NXPE2: variants seen among roughly 807,000 people sequenced by gnomAD.
NXPE2 encodes the protein neurexophilin and PC-esterase domain family member 2.
NXPE2 carries 34 observed loss-of-function variants against 34.4 expected under a neutral mutation model. That is an observed-to-expected ratio of 0.99 (90% CI 0.75 to 1.31). The LOEUF (loss-of-function observed/expected upper bound fraction) is 1.31, where lower values mean the gene tolerates loss of function less well. Among genes scored for constraint, NXPE2 ranks in the 40% most tolerant of loss-of-function variants. NXPE2 has a pLI of 0.00. For synonymous variants in NXPE2, 235 were observed against 231.3 expected (o/e 1.02, Z -0.15); for missense variants, 649 against 672.5 (o/e 0.97, Z 0.39).
chr11:114,810,121 G>T, the NXPE2 span, among the ~76,000 whole-genome samples: 1 of 145,650 alleles, frequency 6.9e-6, no homozygotes, highest in Non-Finnish European at 1.5e-5. Context: ...ATGGTGCTGG[G>T]AAAACTGGCT....
chr11:114,704,049 A>G lies in NXPE2; in HGVS notation c.925A>G (p.Asn309Asp), dbSNP rs1375652357. 1 of 1,549,870 alleles carries G rather than the reference A, an allele frequency of 6.5e-7. No individual in the cohort carries two copies. The highest frequency in any genetic ancestry group is 8.7e-7 in the Non-Finnish European group (1 of 1,144,842). The change falls in exon 4 of 6, where the codon AAC becomes GAC. Residue 309 changes from asparagine (N) to aspartate (D), a missense_variant. Coordinates refer to ENST00000389586, the MANE Select transcript of NXPE2 (RefSeq NM_182495.6). Reference protein sequence around the residue: ...NFTPIEVIPCNKSENIKKNCQ... With the variant: ...NFTPIEVIPCDKSENIKKNCQ... ...TACCCCCATTGAGGTCATACCATGC[A>G]ACAGTAAGTCTGGAGTGTTGTTGTC...
chr11:114,685,028 G>A (rs1365762933), intron 2 of NXPE2, among the ~76,000 whole-genome samples: 1 of 152,134 alleles, frequency 6.6e-6, no homozygotes, highest in Non-Finnish European at 1.5e-5. Context: ...AAAGAATCCA[G>A]TTGGTCAAAA....
chr11:114,708,987 T>G (rs976815897), downstream of NXPE2, among the ~76,000 whole-genome samples: 1 of 152,236 alleles, frequency 6.6e-6, no homozygotes, highest in Admixed American at 6.5e-5. Context: ...GCCTTCTCCC[T>G]CATCTCTCAC....
At chr11:114,631,395 T>G in the NXPE2 span, among the ~76,000 whole-genome samples, 1 of 151,364 alleles carries the variant, frequency 6.6e-6, no homozygotes, top group African/African-American at 2.4e-5. Flanking sequence ...AAATTGGAAA[T>G]CATCATTCTC....
chr11:114,773,288 C>CCCCCCCCCCCCCCCCCCCCG, the NXPE2 span, among the ~76,000 whole-genome samples: 2 of 95,866 alleles, frequency 2.1e-5, no homozygotes, highest in Non-Finnish European at 4.4e-5. Flanking sequence ...CACCCCCCCC[C>CCCCCCCCCCCCCCCCCCCCG]CACCCCATTC....
upstream of NXPE2, among the ~76,000 whole-genome samples, chr11:114,674,385 A>T (rs1950834444): frequency 6.6e-6 from 1 of 151,826 alleles, no homozygotes; most frequent in South Asian, 2.1e-4. Context: ...GGAGCTGAAT[A>T]ATTTCACTTA....
chr11:114,597,435 G>A, the NXPE2 span, among the ~76,000 whole-genome samples: 1 of 152,276 alleles, frequency 6.6e-6, no homozygotes, highest in East Asian at 1.9e-4. Flanking sequence ...AATGTAATGG[G>A]TATATTAAAA....
At chr11:114,643,694 T>C in the NXPE2 span, among the ~76,000 whole-genome samples, 5 of 151,214 alleles carry the variant, frequency 3.3e-5, no homozygotes, top group African/African-American at 9.7e-5. Flanking sequence ...GGTAGCATGA[T>C]GCCTCCACCT....
chr11:114,475,226 GTTT>G, the NXPE2 span, among the ~76,000 whole-genome samples: 28 of 88,026 alleles, frequency 3.2e-4, no homozygotes, highest in African/African-American at 1.0e-3. Flanking sequence ...AATGTGAACT[GTTT>G]TTTTTTTTTT....
At chr11:114,475,306 C>T in the NXPE2 span, among the ~76,000 whole-genome samples, 4 of 129,562 alleles carry the variant, frequency 3.1e-5, no homozygotes, top group African/African-American at 8.4e-5. Flanking sequence ...TGCAGTAGTG[C>T]GATCTCCACT....
chr11:114,522,456 A>T, the NXPE2 span: 1 of 1,611,872 alleles, frequency 6.2e-7, no homozygotes, highest in African/African-American at 1.3e-5. Flanking sequence ...TCCAGAAGCA[A>T]ATGTTTCTTA....
chr11:114,622,311 T>C, the NXPE2 span, among the ~76,000 whole-genome samples: 1 of 151,968 alleles, frequency 6.6e-6, no homozygotes, highest in African/African-American at 2.4e-5. Context: ...TGTTGCCTCA[T>C]GGGGAACCAC....
At chr11:114,570,498 A>G in the NXPE2 span, 1 of 155,320 alleles carries the variant, frequency 6.4e-6, no homozygotes, top group Non-Finnish European at 1.4e-5. Context: ...AATTCTCTCT[A>G]TGACTATGGG....
the NXPE2 span, chr11:114,582,542 C>T: frequency 2.5e-6 from 4 of 1,614,152 alleles, no homozygotes; most frequent in Non-Finnish European, 2.5e-6. Context: ...TCCTTGCACT[C>T]CAGAGAGCTG....
the NXPE2 span, among the ~76,000 whole-genome samples, chr11:114,541,297 A>G: frequency 6.6e-6 from 1 of 152,208 alleles, no homozygotes; most frequent in African/African-American, 2.4e-5. Context: ...ATGGAAGCCA[A>G]CCCTGAGATA....
At chr11:114,626,439 A>G in the NXPE2 span, among the ~76,000 whole-genome samples, 1 of 152,162 alleles carries the variant, frequency 6.6e-6, no homozygotes, top group African/African-American at 2.4e-5. Flanking sequence ...GTGGCCGGGT[A>G]CTCCAACAGA....
downstream of NXPE2, among the ~76,000 whole-genome samples, chr11:114,708,870 T>C (rs778175162): frequency 6.6e-6 from 1 of 152,218 alleles, no homozygotes; most frequent in Non-Finnish European, 1.5e-5. Flanking sequence ...GAAGACCATC[T>C]CAAATTCCTT....
chr11:114,631,623 T>C, the NXPE2 span, among the ~76,000 whole-genome samples: 1 of 151,842 alleles, frequency 6.6e-6, no homozygotes, highest in African/African-American at 2.4e-5. Flanking sequence ...TGTATACATA[T>C]GTAACTAAAC....
chr11:114,571,971 A>C, the NXPE2 span, among the ~76,000 whole-genome samples: 1 of 152,186 alleles, frequency 6.6e-6, no homozygotes, highest in Non-Finnish European at 1.5e-5. Context: ...AAACAAAAAC[A>C]CAACCAAAGA....
Sources: gnomAD v4.1 joint callset for allele counts (sites outside exome capture counted in the v4.1 genomes callset) on GRCh38, gnomAD v4.1.1 for gene constraint, MANE v1.5 for transcripts, NCBI Gene and HGNC (gene_info 2026-07-23, HGNC 2026-07-21) for gene names.